The following MBD5 variants were observed in gnomAD, a reference collection of about 807,000 sequenced individuals.
The protein encoded by MBD5 is methyl-CpG-binding domain protein 5.
Under a neutral mutation model 117.3 loss-of-function variants are expected in MBD5, and 13 were observed. That is an observed-to-expected ratio of 0.11 (90% CI 0.07 to 0.18). The LOEUF is 0.18. Among genes scored for constraint, MBD5 ranks in the 10% least tolerant of loss-of-function variants. MBD5 has a pLI of 1.00. For missense variants in MBD5, 1,879 were observed against 2,093.8 expected (o/e 0.90, Z 2.00); for synonymous variants, 727 against 766.4 (o/e 0.95, Z 0.85).
At chr2:148,387,393 G>T (rs2105495594) in intron 4 of MBD5, among the ~76,000 whole-genome samples, 1 of 152,142 alleles carries the variant, frequency 6.6e-6, no homozygotes, top group Non-Finnish European at 1.5e-5. Flanking sequence ...AAATAGAAAG[G>T]AAGTCCTTAA....
At chr2:148,122,971 G>A (rs773335937) in intron 1 of MBD5, among the ~76,000 whole-genome samples, 6 of 152,196 alleles carry the variant, frequency 3.9e-5, no homozygotes, top group Admixed American at 2.6e-4. Context: ...GCCAAAGGCA[G>A]AGATGACTAA....
chr2:148,321,867 T>TA (rs1645343763), intron 3 of MBD5, among the ~76,000 whole-genome samples: 1 of 152,132 alleles, frequency 6.6e-6, no homozygotes. Context: ...GGATTACAGA[T>TA]ATGAGCTGCC....
chr2:148,223,520 T>C (rs1168443871), intron 2 of MBD5, among the ~76,000 whole-genome samples: 8 of 152,190 alleles, frequency 5.3e-5, no homozygotes, highest in African/African-American at 1.9e-4. Flanking sequence ...TGTCCATTTC[T>C]TCTAGATTTT....
At chr2:148,474,836 A>G (rs1254481178) in intron 8 of MBD5, among the ~76,000 whole-genome samples, 9 of 152,184 alleles carry the variant, frequency 5.9e-5, no homozygotes, top group Admixed American at 5.9e-4. Flanking sequence ...GTGAGACCAC[A>G]AAAGAACACT....
intron 3 of MBD5, among the ~76,000 whole-genome samples, chr2:148,238,056 C>T (rs1370592161): frequency 1.3e-5 from 2 of 152,148 alleles, no homozygotes; most frequent in African/African-American, 4.8e-5. Context: ...ATAGTTATCC[C>T]ACTCTGCAAA....
intron 8 of MBD5, among the ~76,000 whole-genome samples, chr2:148,477,003 T>TG (rs149455703): frequency 0.068 from 10,268 of 152,118 alleles, 450 homozygotes; most frequent in Middle Eastern, 0.11. Context: ...AAAGAGGAAT[T>TG]TTTTAAAAAA....
At chr2:148,121,407 G>A (rs1437008722) in intron 1 of MBD5, among the ~76,000 whole-genome samples, 1 of 151,322 alleles carries the variant, frequency 6.6e-6, no homozygotes, top group African/African-American at 2.4e-5. Flanking sequence ...CTAACTTTTG[G>A]GTTTTTTTTT....
intron 1 of MBD5, among the ~76,000 whole-genome samples, chr2:148,111,636 A>G (rs572947063): frequency 5.3e-5 from 8 of 152,310 alleles, no homozygotes; most frequent in African/African-American, 1.9e-4. Context: ...TCACTATTAT[A>G]TGTGAGAATA....
At chr2:148,094,231 G>T (rs1696008562) in intron 1 of MBD5, among the ~76,000 whole-genome samples, 1 of 152,106 alleles carries the variant, frequency 6.6e-6, no homozygotes, top group Non-Finnish European at 1.5e-5. Context: ...CAGATTAATT[G>T]TAGTGCTCAT....
intron 1 of MBD5, among the ~76,000 whole-genome samples, chr2:148,041,909 T>A (rs1194777108): frequency 6.6e-6 from 1 of 152,154 alleles, no homozygotes; most frequent in Admixed American, 6.5e-5. Context: ...TACACAGAAA[T>A]CTTCTCAGAG....
At chr2:148,102,577 G>A (rs1574015262) in intron 1 of MBD5, among the ~76,000 whole-genome samples, 1 of 151,918 alleles carries the variant, frequency 6.6e-6, no homozygotes, top group South Asian at 2.1e-4. Context: ...GGTGGTATCA[G>A]TATTGGTTGC....
At position 148,340,452 on chromosome 2, in the gene MBD5, A is replaced by G. The variant is rs916903136; in HGVS notation, c.-679-1762A>G. 1.2e-4 allele frequency among the ~76,000 whole-genome samples: 18 copies of G among 152,268 alleles called. 1 individual carries two copies. The highest frequency in any genetic ancestry group is 6.2e-4 in the South Asian group (3 of 4,828). On this transcript the variant is annotated intron_variant, in intron 3 of 13. Transcript: ENST00000642680. ...GAAATTTTTAACACAGTAGACTACT[A>G]TGGCTTGATGGGAGGTCTAATTTGA...
chr2:148,324,275 G>A (rs1036144992), intron 3 of MBD5, among the ~76,000 whole-genome samples: 2 of 152,148 alleles, frequency 1.3e-5, no homozygotes, highest in Admixed American at 6.5e-5. Context: ...GTCAGGTAGT[G>A]TGATGCCTCT....
At chr2:148,105,859 C>G (rs745760803) in intron 1 of MBD5, among the ~76,000 whole-genome samples, 3 of 151,964 alleles carry the variant, frequency 2.0e-5, no homozygotes, top group African/African-American at 2.4e-5. Context: ...CTATATACAA[C>G]AAAATTGTAT....
intron 1 of MBD5, among the ~76,000 whole-genome samples, chr2:148,107,658 A>G (rs1696404505): frequency 6.6e-6 from 1 of 151,748 alleles, no homozygotes; most frequent in African/African-American, 2.4e-5. Flanking sequence ...CATGCTTTGC[A>G]TTTTTAGAAA....
chr2:148,060,760 G>A, intron 1 of MBD5, among the ~76,000 whole-genome samples: 1 of 152,004 alleles, frequency 6.6e-6, no homozygotes. Context: ...CTCCCTAAAT[G>A]CCTTACTTTA....
chr2:148,221,028 C>T (rs1334098150), intron 2 of MBD5, among the ~76,000 whole-genome samples: 3 of 152,110 alleles, frequency 2.0e-5, no homozygotes, highest in African/African-American at 7.2e-5. Flanking sequence ...TAAGTGAAAA[C>T]ATGCTTTGTC....
intron 2 of MBD5, among the ~76,000 whole-genome samples, chr2:148,232,690 C>A: frequency 6.6e-6 from 1 of 150,712 alleles, no homozygotes; most frequent in Non-Finnish European, 1.5e-5. Context: ...CACTATGTTG[C>A]CAACACTGTA....
chr2:148,445,674 A>G (rs1706481571), intron 4 of MBD5, among the ~76,000 whole-genome samples: 5 of 151,500 alleles, frequency 3.3e-5, no homozygotes, highest in Admixed American at 6.6e-5. Flanking sequence ...GCTGGGTCAA[A>G]TGGTATTTCT....
Sources: allele counts gnomAD v4.1 joint callset (sites outside exome capture counted in the v4.1 genomes callset), GRCh38; gene constraint gnomAD v4.1.1; transcripts MANE v1.5; gene names NCBI Gene and HGNC (gene_info 2026-07-23, HGNC 2026-07-21).